The following KIF13B variants were observed in gnomAD, a reference collection of about 807,000 sequenced individuals.
KIF13B encodes the protein kinesin family member 13B.
Under a neutral mutation model 222.0 loss-of-function variants are expected in KIF13B, and 127 were observed. That is an observed-to-expected ratio of 0.57 (90% confidence interval 0.50 to 0.66). The LOEUF is 0.66. Ranked by LOEUF, KIF13B falls within the 30% of genes least tolerant of loss-of-function variation. The pLI is 0.00. For missense variants in KIF13B, 2,173 were observed against 2,379.0 expected (o/e 0.91, Z 1.80); for synonymous variants, 976 against 919.0 (o/e 1.06, Z -1.12).
At chr8:29,209,565 T>G (rs1386830105) in intron 2 of KIF13B, among the ~76,000 whole-genome samples, 1 of 152,140 alleles carries the variant, frequency 6.6e-6, no homozygotes, top group Non-Finnish European at 1.5e-5. Flanking sequence ...TAATTTTGTG[T>G]GACGATTCCT....
intron 3 of KIF13B, among the ~76,000 whole-genome samples, chr8:29,193,700 G>C (rs547299593): frequency 2.0e-5 from 3 of 152,158 alleles, no homozygotes; most frequent in Non-Finnish European, 4.4e-5. Context: ...AAATGGTGTA[G>C]TATTTGCATA....
intron 13 of KIF13B, 84 bp downstream of exon 13, chr8:29,160,649 C>A: frequency 7.7e-7 from 1 of 1,300,054 alleles, no homozygotes; most frequent in Non-Finnish European, 1.0e-6. Context: ...TCTGAGTAAG[C>A]ATGGTTCCCC....
In KIF13B at chr8:29,132,420, C is replaced by G; in HGVS notation, c.2830G>C (p.Glu944Gln). 1.3e-6 allele frequency: 2 copies of G among 1,579,778 alleles called. No individual in the cohort carries two copies. The highest frequency in any genetic ancestry group is 1.2e-5 in the South Asian group (1 of 85,686). ...TATACTTCAATTGCCAATGCTCCTT[C>G]GGAAAGATGCTCGATAAAGTCTTCG... ...ITEDFIEHLSEGALAIEVYGH... is the reference protein window; with the variant it reads ...ITEDFIEHLSQGALAIEVYGH... Residue 944 changes from glutamate to glutamine, a missense_variant, in exon 23 of 40, where the codon GAA (glutamate) becomes CAA (glutamine). Transcript: ENST00000524189.
intron 2 of KIF13B, among the ~76,000 whole-genome samples, chr8:29,220,696 T>C (rs1814703062): frequency 6.6e-6 from 1 of 151,730 alleles, no homozygotes; most frequent in African/African-American, 2.4e-5. Context: ...TACACACCAA[T>C]GTCAACTTAT....
chr8:29,198,726 C>G lies in KIF13B; in HGVS notation c.150-2527G>C, dbSNP rs182145485. On this transcript the variant is annotated intron_variant, in intron 2 of 39. Coordinates refer to ENST00000524189, the MANE Select transcript of KIF13B (RefSeq NM_015254.4). ...AATAAGTCATTATGTGAAAAAGACA[C>G]ATGCATATGTATGTTTATTGTAACA... Among the ~76,000 whole-genome samples the G allele has an allele frequency of 4.3e-3, 661 of 152,332 alleles. 5 individuals are homozygous for G. The highest frequency in any genetic ancestry group is 0.014 in the South Asian group (70 of 4,828).
intron 30 of KIF13B, 32 bp from the exon 31 acceptor site, chr8:29,117,039 T>C: frequency 6.6e-7 from 1 of 1,519,718 alleles, no homozygotes; most frequent in Non-Finnish European, 8.9e-7. Context: ...AACAGGTTTC[T>C]CTCTTCTCCA....
At chr8:29,088,071 T>C (rs565819050) in intron 37 of KIF13B, among the ~76,000 whole-genome samples, 1 of 151,978 alleles carries the variant, frequency 6.6e-6, no homozygotes, top group Non-Finnish European at 1.5e-5. Context: ...ATCGAGACCA[T>C]CCTGGCCAAC....
chr8:29,148,543 A>T, intron 16 of KIF13B, 34 bp downstream of exon 16: 1 of 1,504,768 alleles, frequency 6.6e-7, no homozygotes, highest in Non-Finnish European at 9.0e-7. Flanking sequence ...TACCAACTGG[A>T]ACTGATTCTC....
chr8:29,229,088 TAAAAAAAAAAAAA>T (rs370080449), intron 2 of KIF13B, among the ~76,000 whole-genome samples: 1 of 94,692 alleles, frequency 1.1e-5, no homozygotes, highest in East Asian at 3.1e-4. Context: ...ATGTCAGCTT[TAAAAAAAAAAAAA>T]AAAAAAAAAA....
chr8:29,126,308 T>C (rs1810106281), intron 26 of KIF13B, among the ~76,000 whole-genome samples, 174 bp downstream of exon 26: 1 of 152,120 alleles, frequency 6.6e-6, no homozygotes, highest in African/African-American at 2.4e-5. Flanking sequence ...CCTAACACAC[T>C]TTACAGCCTA....
chr8:29,120,166 G>GTTT (rs57731633), intron 29 of KIF13B, among the ~76,000 whole-genome samples: 135 of 102,324 alleles, frequency 1.3e-3, no homozygotes, highest in East Asian at 0.01. Flanking sequence ...AAAAATGACA[G>GTTT]TTTTTTTTTT....
intron 29 of KIF13B, among the ~76,000 whole-genome samples, chr8:29,121,848 T>C (rs1016276935): frequency 5.3e-5 from 8 of 151,206 alleles, no homozygotes; most frequent in African/African-American, 1.9e-4. Context: ...CAAGAACTCA[T>C]AGAAAAAGTG....
At position 29,142,312 on chromosome 8, in the gene KIF13B, A is replaced by G; in HGVS notation, c.2188-9T>C. 6.2e-7 allele frequency: 1 copy of G among 1,607,768 alleles called. No individual in the cohort carries two copies. The highest frequency in any genetic ancestry group is 8.5e-7 in the Non-Finnish European group (1 of 1,176,826). On this transcript the variant is annotated splice_polypyrimidine_tract_variant and intron_variant, in intron 18 of 39. Coordinates refer to ENST00000524189, the MANE Select transcript of KIF13B (RefSeq NM_015254.4). Reference sequence around the variant, plus strand: ...CTAAGAAGAGAGCCTCGCTGCAAAGAGAGTAAGAATGACCGTGAGAAACAC... The same window carrying G: ...CTAAGAAGAGAGCCTCGCTGCAAAGGGAGTAAGAATGACCGTGAGAAACAC...
intron 30 of KIF13B, among the ~76,000 whole-genome samples, chr8:29,117,567 C>T (rs1488289820): frequency 6.6e-6 from 1 of 152,144 alleles, no homozygotes; most frequent in Non-Finnish European, 1.5e-5. Flanking sequence ...CCTTCCTTGT[C>T]ACGCTTGACC....
In KIF13B at chr8:29,070,710, C is replaced by T. The variant is rs1336237194; in HGVS notation, c.5275G>A (p.Gly1759Arg). The change falls in exon 40 of 40, where the codon GGG becomes AGG. Residue 1759 changes from glycine (G) to arginine (R), a missense_variant. This residue lies in a region of KIF13B where 693 missense variants were observed against 656.2 expected (regional missense o/e 1.06). Transcript: ENST00000524189. This position sits in a 1 kb window ranked among gnomAD's most constrained non-coding sequence, Gnocchi z 4.1. ...KQYFRCNPGY[G>R]LLVRPSRVRR... ...ACCCGGCTGGGCCTGACCAGCAGCC[C>T]GTAGCCAGGGTTACACCTGAAGTAC... The T allele has an allele frequency of 1.1e-5, 17 of 1,561,974 alleles. No homozygotes were observed. Among genetic ancestry groups the T allele is most frequent in the Middle Eastern group, 1.7e-4 (1 of 6,020 alleles).
At chr8:29,128,896 T>C (rs1471071667) in intron 24 of KIF13B, among the ~76,000 whole-genome samples, 1 of 152,196 alleles carries the variant, frequency 6.6e-6, no homozygotes, top group South Asian at 2.1e-4. Flanking sequence ...TTTTCAAACA[T>C]ATTAGACTCA....
intron 18 of KIF13B, 41 bp from the exon 19 acceptor site, chr8:29,142,344 A>G (rs1259353893): frequency 1.3e-6 from 2 of 1,572,368 alleles, no homozygotes; most frequent in Non-Finnish European, 1.7e-6. Flanking sequence ...ACACACAGGC[A>G]GCGGGGAAGT....
chr8:29,150,465 A>C, intron 14 of KIF13B, 82 bp from the exon 15 acceptor site: 2 of 673,160 alleles, frequency 3.0e-6, no homozygotes, highest in South Asian at 3.6e-5. Flanking sequence ...ATAGAGATAT[A>C]GTTACTAGGG....
intron 19 of KIF13B, among the ~76,000 whole-genome samples, chr8:29,141,136 C>T (rs1457450345): frequency 6.6e-6 from 1 of 152,126 alleles, no homozygotes; most frequent in Non-Finnish European, 1.5e-5. Flanking sequence ...GAGTTTGAGA[C>T]CAGCCTGCCC....
Sources: allele counts gnomAD v4.1 joint callset (sites outside exome capture counted in the v4.1 genomes callset), GRCh38; gene constraint gnomAD v4.1.1; regional missense constraint gnomAD v4.1.1; non-coding constraint Gnocchi (gnomAD v3.1); transcripts MANE v1.5; gene names NCBI Gene and HGNC (gene_info 2026-07-23, HGNC 2026-07-21).